The following RCSD1 variants were observed in gnomAD, a reference collection of about 807,000 sequenced individuals.
RCSD1 encodes the protein capZ-interacting protein.
In RCSD1, 26 loss-of-function variants were observed where a neutral mutation model predicts 42.5. The observed-to-expected ratio is 0.61, with a 90% CI of 0.45 to 0.85. The LOEUF is 0.85. RCSD1 is among the 40% of genes least tolerant of loss of function. The pLI, the probability that RCSD1 is intolerant of heterozygous loss-of-function variation, is 0.00. For missense variants in RCSD1, 571 were observed against 528.3 expected (o/e 1.08, Z -0.79); for synonymous variants, 220 against 212.2 (o/e 1.04, Z -0.32).
chr1:167,654,897 G>A (rs1658388622), intron 1 of RCSD1, among the ~76,000 whole-genome samples: 1 of 152,076 alleles, frequency 6.6e-6, no homozygotes, highest in African/African-American at 2.4e-5. Context: ...GAGAAGGCAG[G>A]GGAGACAGAA....
At chr1:167,661,349 G>A (rs944940957) in intron 1 of RCSD1, among the ~76,000 whole-genome samples, 1 of 152,224 alleles carries the variant, frequency 6.6e-6, no homozygotes, top group Non-Finnish European at 1.5e-5. Flanking sequence ...CCCTGGTTGA[G>A]GGCCTAGTTC....
chr1:167,637,685 A>G (rs927684953), intron 1 of RCSD1, among the ~76,000 whole-genome samples: 7 of 151,878 alleles, frequency 4.6e-5, no homozygotes, highest in African/African-American at 1.7e-4. Flanking sequence ...AAGCCACCCC[A>G]AGTCCTCCTA....
intron 3 of RCSD1, among the ~76,000 whole-genome samples, chr1:167,686,583 TC>T (rs549462223): frequency 2.8e-4 from 43 of 152,298 alleles, no homozygotes; most frequent in African/African-American, 1.0e-3. Flanking sequence ...GAATACTCTC[TC>T]CCCACTGACC....
chr1:167,660,473 T>G (rs58104772), intron 1 of RCSD1, among the ~76,000 whole-genome samples: 10,972 of 142,672 alleles, frequency 0.077, 544 homozygotes, highest in African/African-American at 0.15. Context: ...ATTCACTGTT[T>G]TGTTTTTTTT....
intron 1 of RCSD1, among the ~76,000 whole-genome samples, chr1:167,642,382 G>A (rs998014901): frequency 1.8e-4 from 27 of 152,294 alleles, no homozygotes; most frequent in African/African-American, 6.0e-4. Flanking sequence ...TTTTGTGGTC[G>A]GAGATGTTCT....
chr1:167,684,471 G>A (rs1476827425), intron 2 of RCSD1, among the ~76,000 whole-genome samples: 1 of 152,224 alleles, frequency 6.6e-6, no homozygotes, highest in Non-Finnish European at 1.5e-5. Flanking sequence ...GATCAGGAAG[G>A]AAGAGCGTCC....
At chr1:167,690,174 T>C (rs894768609) in intron 4 of RCSD1, 54 bp downstream of exon 4, 2 of 1,569,688 alleles carry the variant, frequency 1.3e-6, no homozygotes, top group Non-Finnish European at 1.8e-6. Context: ...CCACTTCTTA[T>C]CCAAAATTTG....
intron 5 of RCSD1, among the ~76,000 whole-genome samples, chr1:167,696,486 G>T (rs1393999358): frequency 6.8e-6 from 1 of 147,846 alleles, no homozygotes; most frequent in Non-Finnish European, 1.5e-5. Flanking sequence ...GGGTCTTTCT[G>T]TGCTGCCCAG....
rs71097689 is a variant in RCSD1, at chr1:167,630,721, TAAAAAAAAAAAAAAAAA to T, written c.6+308_6+324del. On this transcript the variant is annotated intron_variant, in intron 1 of 6. Transcript: ENST00000367854. ...GTATTTTGGCTAGGAACTTAAATGC[TAAAAAAAAAAAAAAAAA>T]AAAAAAAAAAAAAAAGTTAGGTGCA... 6.1e-4 allele frequency: 20 copies of T among 32,600 alleles called. 1 individual carries two copies. In the East Asian group the frequency reaches 0.011, roughly 19 times the overall value. The allele number at this position is 32,600 out of a possible 1,614,324, so 2.0% of individuals were successfully genotyped here. A position where few individuals can be genotyped will look rare whatever the true frequency, so the allele number is the denominator to read the frequency against.
chr1:167,643,645 ATGGC>A (rs143312456), intron 1 of RCSD1, among the ~76,000 whole-genome samples: 2,320 of 152,326 alleles, frequency 0.015, 56 homozygotes, highest in South Asian at 0.068. Context: ...AGAGAGCCAT[ATGGC>A]TGGGTTTGAG....
intron 1 of RCSD1, among the ~76,000 whole-genome samples, chr1:167,643,840 G>A (rs1239685733): frequency 6.6e-6 from 1 of 152,234 alleles, no homozygotes; most frequent in East Asian, 1.9e-4. Flanking sequence ...TATTGATTAA[G>A]GAAAGAGGCT....
intron 1 of RCSD1, among the ~76,000 whole-genome samples, chr1:167,655,855 A>G (rs1393590590): frequency 6.6e-6 from 1 of 152,232 alleles, no homozygotes; most frequent in Non-Finnish European, 1.5e-5. Context: ...TTGAAAAGGC[A>G]GAATACTTGT....
intron 5 of RCSD1, among the ~76,000 whole-genome samples, chr1:167,696,627 AC>A (rs891427120): frequency 6.6e-6 from 1 of 151,736 alleles, no homozygotes; most frequent in Non-Finnish European, 1.5e-5. Context: ...AATTTTTCTT[AC>A]TTTCAGTAGA....
chr1:167,671,037 T>G (rs1484507862), intron 1 of RCSD1, among the ~76,000 whole-genome samples: 1 of 152,236 alleles, frequency 6.6e-6, no homozygotes, highest in Middle Eastern at 3.2e-3. Context: ...TGGTCACCAC[T>G]GGGCCCAGTT....
At chr1:167,675,066 C>T (rs1658907572) in intron 1 of RCSD1, among the ~76,000 whole-genome samples, 1 of 151,794 alleles carries the variant, frequency 6.6e-6, no homozygotes, top group Non-Finnish European at 1.5e-5. Flanking sequence ...ATTAGCTGGG[C>T]CTGGTGGCAC....
chr1:167,689,375 G>A (rs1220998142), intron 3 of RCSD1, among the ~76,000 whole-genome samples: 1 of 151,752 alleles, frequency 6.6e-6, no homozygotes, highest in Non-Finnish European at 1.5e-5. Flanking sequence ...CCAGCTACTT[G>A]GGAGGCAGAG....
intron 1 of RCSD1, among the ~76,000 whole-genome samples, chr1:167,648,708 C>T (rs1658228018): frequency 6.6e-6 from 1 of 152,158 alleles, no homozygotes; most frequent in African/African-American, 2.4e-5. Flanking sequence ...GTGCGGGCAA[C>T]AGTGAGCCCG....
intron 1 of RCSD1, 22 bp downstream of exon 1, chr1:167,630,451 C>T: frequency 6.5e-7 from 1 of 1,533,826 alleles, no homozygotes; most frequent in Non-Finnish European, 8.8e-7. Context: ...CGGAGGGAGA[C>T]GCGGGGCTGA....
chr1:167,671,079 T>C (rs757523563), intron 1 of RCSD1, among the ~76,000 whole-genome samples: 1 of 152,230 alleles, frequency 6.6e-6, no homozygotes, highest in Non-Finnish European at 1.5e-5. Context: ...ATTCTCCGTT[T>C]TCTTATAAAG....
Sources: gnomAD v4.1 joint callset for allele counts (sites outside exome capture counted in the v4.1 genomes callset) on GRCh38, gnomAD v4.1.1 for gene constraint, MANE v1.5 for transcripts, NCBI Gene and HGNC (gene_info 2026-07-23, HGNC 2026-07-21) for gene names.